Variants in PHC2 observed in about 807,000 individuals in gnomAD.
PHC2 encodes polyhomeotic homolog 2, also known as polyhomeotic-like protein 2.
PHC2 carries 29 observed loss-of-function variants against 87.4 expected under a neutral mutation model. That is an observed-to-expected ratio of 0.33 (90% CI 0.25 to 0.45). PHC2 has a LOEUF of 0.45. Ranked by LOEUF, PHC2 falls within the 20% of genes least tolerant of loss-of-function variation. The pLI, the probability that PHC2 is intolerant of heterozygous loss-of-function variation, is 1.00. For missense variants in PHC2, 857 were observed against 1,136.7 expected (o/e 0.75, Z 3.54); for synonymous variants, 438 against 461.7 (o/e 0.95, Z 0.66).
At chr1:33,370,300 C>T (rs1570492839) in intron 5 of PHC2, 121 bp downstream of exon 5, 1 of 932,754 alleles carries the variant, frequency 1.1e-6, no homozygotes, top group Non-Finnish European at 1.6e-6. Context: ...TATCCCACCC[C>T]TTATCTCCTG....
At chr1:33,339,145 CT>C (rs1320374422) in intron 9 of PHC2, among the ~76,000 whole-genome samples, 1 of 152,116 alleles carries the variant, frequency 6.6e-6, no homozygotes, top group Non-Finnish European at 1.5e-5. Flanking sequence ...GCAGAGCAGA[CT>C]TCTCTAGGCA....
intron 1 of PHC2, among the ~76,000 whole-genome samples, chr1:33,408,733 G>A (rs1257397600): frequency 1.3e-5 from 2 of 152,102 alleles, no homozygotes; most frequent in Non-Finnish European, 2.9e-5. Context: ...CCAAAGTGCT[G>A]GGATTACAGG....
At chr1:33,380,655 G>A (rs1648449997) in intron 1 of PHC2, among the ~76,000 whole-genome samples, 1 of 152,198 alleles carries the variant, frequency 6.6e-6, no homozygotes, top group Non-Finnish European at 1.5e-5. Context: ...CGGCATATAA[G>A]TCCTTGCTTC....
intron 9 of PHC2, among the ~76,000 whole-genome samples, chr1:33,351,384 G>A (rs1646969043): frequency 6.6e-6 from 1 of 152,218 alleles, no homozygotes; most frequent in South Asian, 2.1e-4. Context: ...GCTGTAGTTT[G>A]TCAACCTCTG....
In PHC2 at chr1:33,395,987, C is replaced by T. The variant is rs138296637; in HGVS notation, c.-54-20394G>A. On this transcript the variant is annotated intron_variant, in intron 1 of 14. Transcript: ENST00000683057. Reference sequence around the variant, plus strand: ...CTTATCACTGGACTTATGTAGGACACGTCATTTAACATATGGCCTCATGGG... The same window carrying T: ...CTTATCACTGGACTTATGTAGGACATGTCATTTAACATATGGCCTCATGGG... 1.8e-3 allele frequency among the ~76,000 whole-genome samples: 273 copies of T among 152,214 alleles called. 2 individuals carry two copies. Among genetic ancestry groups the T allele is most frequent in the African/African-American group, 6.0e-3 (251 of 41,490 alleles).
intron 1 of PHC2, among the ~76,000 whole-genome samples, chr1:33,420,474 A>G (rs922210269): frequency 1.3e-5 from 2 of 152,150 alleles, no homozygotes; most frequent in Non-Finnish European, 2.9e-5. Flanking sequence ...GCTCACTCTT[A>G]ATGACCACAG....
intron 7 of PHC2, among the ~76,000 whole-genome samples, chr1:33,362,674 T>A (rs897731805): frequency 6.6e-6 from 1 of 152,222 alleles, no homozygotes; most frequent in African/African-American, 2.4e-5. Context: ...CACACACAGA[T>A]GGTCACACGC....
intron 1 of PHC2, among the ~76,000 whole-genome samples, chr1:33,397,451 T>C (rs1003028703): frequency 6.6e-6 from 1 of 152,158 alleles, no homozygotes; most frequent in African/African-American, 2.4e-5. Context: ...TTAAGAGGAA[T>C]TGTTTTGAGC....
intron 7 of PHC2, chr1:33,363,720 C>T: frequency 3.1e-6 from 3 of 983,576 alleles, no homozygotes; most frequent in Non-Finnish European, 3.6e-6. Context: ...TCCCAGTCAG[C>T]AACTTTCTCC....
intron 1 of PHC2, among the ~76,000 whole-genome samples, chr1:33,423,010 C>T (rs759350945): frequency 1.3e-5 from 2 of 151,852 alleles, no homozygotes; most frequent in African/African-American, 2.4e-5. Flanking sequence ...TGTGATTCTC[C>T]CCCACTATAC....
chr1:33,370,741 C>A (rs927693200), intron 4 of PHC2, among the ~76,000 whole-genome samples, 156 bp from the exon 5 acceptor site: 2 of 152,130 alleles, frequency 1.3e-5, no homozygotes, highest in Non-Finnish European at 2.9e-5. Context: ...ATCCCCCAGC[C>A]CTGTCCCATC....
chr1:33,371,636 C>T (rs1421511500), intron 3 of PHC2, among the ~76,000 whole-genome samples: 1 of 152,238 alleles, frequency 6.6e-6, no homozygotes, highest in African/African-American at 2.4e-5. Flanking sequence ...AGTGTCAGCT[C>T]CAGTGTTACT....
chr1:33,388,584 C>G (rs1570503484), intron 1 of PHC2, among the ~76,000 whole-genome samples: 1 of 152,024 alleles, frequency 6.6e-6, no homozygotes, highest in African/African-American at 2.4e-5. Context: ...CTCGGCCTCC[C>G]AAAGATTACA....
Position 33,332,360 on chromosome 1 carries a change from A to G in PHC2, c.1806T>C (p.Tyr602=). 1.2e-6 allele frequency: 2 copies of G among 1,614,158 alleles called. No individual in the cohort carries two copies. The highest frequency in any genetic ancestry group is 8.5e-7 in the Non-Finnish European group (1 of 1,180,006). The change falls in exon 11 of 15, where the codon TAT becomes TAC. Residue 602 remains tyrosine, a synonymous_variant. Transcript: ENST00000683057. This position sits in a 1 kb window ranked among gnomAD's most constrained non-coding sequence, Gnocchi z 4.2. ...GTTTCTCAGGCAGGAACCCCTGTGC[A>G]TACTTCTTCTTGAGATTCCCCACCA... ...SLLVGNLKKK[Y]AQGFLPEKLP...
At chr1:33,401,974 C>T (rs1649551510) in intron 1 of PHC2, among the ~76,000 whole-genome samples, 1 of 152,086 alleles carries the variant, frequency 6.6e-6, no homozygotes. Flanking sequence ...AAGACTGATA[C>T]ATTTGACTAC....
chr1:33,395,951 A>T (rs2148368552), intron 1 of PHC2, among the ~76,000 whole-genome samples: 1 of 152,348 alleles, frequency 6.6e-6, no homozygotes, highest in East Asian at 1.9e-4. Flanking sequence ...ATACAAAAAC[A>T]CTGTGGCCTA....
chr1:33,381,413 C>T (rs919568205), intron 1 of PHC2, among the ~76,000 whole-genome samples: 1 of 152,116 alleles, frequency 6.6e-6, no homozygotes, highest in Non-Finnish European at 1.5e-5. Context: ...CATCAGCCAC[C>T]TGTGATTTCA....
At chr1:33,335,998 T>TGTTGTTGTTGTTGTTG (rs35270760) in intron 9 of PHC2, among the ~76,000 whole-genome samples, 231 of 148,136 alleles carry the variant, frequency 1.6e-3, no homozygotes, top group African/African-American at 5.1e-3. Context: ...TTGTTGTTGT[T>TGTTGTTGTTGTTGTTG]TTTTTTTTTA....
At chr1:33,404,767 C>T (rs894391936) in intron 1 of PHC2, among the ~76,000 whole-genome samples, 1 of 152,120 alleles carries the variant, frequency 6.6e-6, no homozygotes, top group Non-Finnish European at 1.5e-5. Context: ...AAGTAAATAG[C>T]ATGAGCTAAT....
Sources: allele counts gnomAD v4.1 joint callset (sites outside exome capture counted in the v4.1 genomes callset), GRCh38; gene constraint gnomAD v4.1.1; non-coding constraint Gnocchi (gnomAD v3.1); transcripts MANE v1.5; gene names NCBI Gene and HGNC (gene_info 2026-07-23, HGNC 2026-07-21).